ANKS1B: variants seen among roughly 807,000 people sequenced by gnomAD.
The protein encoded by ANKS1B is ankyrin repeat and sterile alpha motif domain containing 1B, also known as ankyrin repeat and sterile alpha motif domain-containing protein 1B.
ANKS1B carries 36 observed loss-of-function variants against 148.3 expected under a neutral mutation model. The ratio of observed to expected loss-of-function variants is 0.24; its 90% CI spans 0.19 to 0.32. The LOEUF (loss-of-function observed/expected upper bound fraction) is 0.32. Among genes scored for constraint, ANKS1B ranks in the 10% least tolerant of loss-of-function variants. The pLI is 1.00. For missense variants in ANKS1B, 1,157 were observed against 1,542.6 expected (o/e 0.75, Z 4.19); for synonymous variants, 542 against 560.8 (o/e 0.97, Z 0.47).
intron 1 of ANKS1B, among the ~76,000 whole-genome samples, chr12:99,847,632 A>C (rs1053611520): frequency 6.6e-6 from 1 of 152,208 alleles, no homozygotes; most frequent in Non-Finnish European, 1.5e-5. Context: ...GTGGCCGTCC[A>C]TTCTCATCAA....
intron 25 of ANKS1B, among the ~76,000 whole-genome samples, chr12:98,753,065 T>C (rs1729224340): frequency 6.6e-6 from 1 of 152,186 alleles, no homozygotes; most frequent in African/African-American, 2.4e-5. Context: ...GGGTCCACTC[T>C]ATATTTTATC....
chr12:99,933,558 A>T (rs1198049255), intron 1 of ANKS1B, among the ~76,000 whole-genome samples: 1 of 152,082 alleles, frequency 6.6e-6, no homozygotes, highest in Non-Finnish European at 1.5e-5. Context: ...ACCCTGGCAT[A>T]TAGAACACTA....
chr12:98,849,828 C>T (rs192441913), intron 17 of ANKS1B, among the ~76,000 whole-genome samples: 99 of 152,270 alleles, frequency 6.5e-4, no homozygotes, highest in African/African-American at 2.3e-3. Flanking sequence ...CACTTCAATA[C>T]AAAAGGGCTT....
chr12:99,924,406 A>T (rs138346751), intron 1 of ANKS1B, among the ~76,000 whole-genome samples: 134 of 152,286 alleles, frequency 8.8e-4, no homozygotes, highest in African/African-American at 2.9e-3. Context: ...AACTTACACT[A>T]ATATTTGAGG....
At chr12:98,890,293 C>T (rs118067187) in intron 17 of ANKS1B, among the ~76,000 whole-genome samples, 1 of 152,124 alleles carries the variant, frequency 6.6e-6, no homozygotes, top group Non-Finnish European at 1.5e-5. Context: ...TCAGGAGTAC[C>T]AACCAACCCC....
At chr12:98,915,406 C>A (rs2152867931) in intron 17 of ANKS1B, among the ~76,000 whole-genome samples, 1 of 152,234 alleles carries the variant, frequency 6.6e-6, no homozygotes, top group Non-Finnish European at 1.5e-5. Context: ...GGCAGGAGTA[C>A]AGTGGTGTGA....
chr12:99,126,552 G>T (rs549661327), intron 15 of ANKS1B, among the ~76,000 whole-genome samples: 1 of 152,044 alleles, frequency 6.6e-6, no homozygotes, highest in Non-Finnish European at 1.5e-5. Context: ...TATGCATGGC[G>T]AAGATATGTC....
At chr12:99,589,250 T>C (rs1177268829) in intron 9 of ANKS1B, among the ~76,000 whole-genome samples, 2 of 152,212 alleles carry the variant, frequency 1.3e-5, no homozygotes, top group East Asian at 3.8e-4. Context: ...GCTCAAGTGC[T>C]TAAGGTCACC....
intron 17 of ANKS1B, among the ~76,000 whole-genome samples, chr12:99,026,664 T>C (rs907478581): frequency 4.0e-4 from 61 of 152,188 alleles, no homozygotes; most frequent in Non-Finnish European, 7.3e-5. Flanking sequence ...TTAGTTGACA[T>C]TTTCAGGCTA....
At chr12:99,615,014 T>C (rs1044012627) in intron 9 of ANKS1B, among the ~76,000 whole-genome samples, 1 of 150,986 alleles carries the variant, frequency 6.6e-6, no homozygotes, top group East Asian at 1.9e-4. Flanking sequence ...AATTACTTCT[T>C]ACGCAATGAT....
At chr12:99,157,819 A>C (rs527921288) in intron 14 of ANKS1B, among the ~76,000 whole-genome samples, 1 of 152,182 alleles carries the variant, frequency 6.6e-6, no homozygotes, top group Non-Finnish European at 1.5e-5. Flanking sequence ...AATAAATAAA[A>C]TTATATATTA....
chr12:98,927,989 C>A, intron 17 of ANKS1B, among the ~76,000 whole-genome samples: 2 of 149,674 alleles, frequency 1.3e-5, no homozygotes, highest in South Asian at 2.1e-4. Context: ...TCAACAAAAC[C>A]AAAAGTGTAT....
intron 17 of ANKS1B, among the ~76,000 whole-genome samples, chr12:98,865,406 T>C (rs535421453): frequency 1.3e-5 from 2 of 152,132 alleles, no homozygotes; most frequent in South Asian, 2.1e-4. Context: ...CCATCACCCA[T>C]CCAGTTATTT....
intron 12 of ANKS1B, among the ~76,000 whole-genome samples, chr12:99,352,622 T>A (rs2091553327): frequency 6.6e-6 from 1 of 152,006 alleles, no homozygotes; most frequent in East Asian, 1.9e-4. Context: ...ACAAAAAGAT[T>A]TATTATAAAG....
chr12:99,788,341 C>T (rs2065223080), intron 4 of ANKS1B, among the ~76,000 whole-genome samples: 1 of 152,114 alleles, frequency 6.6e-6, no homozygotes, highest in Admixed American at 6.5e-5. Flanking sequence ...AGCCCTAAAT[C>T]CTGGACATTT....
At chr12:99,476,667 C>A (rs1412460200) in intron 10 of ANKS1B, among the ~76,000 whole-genome samples, 1 of 152,130 alleles carries the variant, frequency 6.6e-6, no homozygotes, top group Non-Finnish European at 1.5e-5. Flanking sequence ...CTATTTTGCA[C>A]TATCTTCACT....
At chr12:99,586,620 A>G (rs886692455) in intron 9 of ANKS1B, among the ~76,000 whole-genome samples, 2 of 151,994 alleles carry the variant, frequency 1.3e-5, no homozygotes, top group African/African-American at 4.8e-5. Flanking sequence ...ACTGGTACCA[A>G]TTTACTGTAT....
At chr12:98,867,376 ATT>A (rs2099629988) in intron 17 of ANKS1B, among the ~76,000 whole-genome samples, 1 of 152,214 alleles carries the variant, frequency 6.6e-6, no homozygotes, top group South Asian at 2.1e-4. Flanking sequence ...AATGTAATCT[ATT>A]TCCTACACGT....
At chr12:99,135,815 T>A (rs982168973) in intron 15 of ANKS1B, among the ~76,000 whole-genome samples, 1 of 152,184 alleles carries the variant, frequency 6.6e-6, no homozygotes. Flanking sequence ...AAACAGTGGA[T>A]TCAATGGAGG....
Sources: allele counts gnomAD v4.1 joint callset (sites outside exome capture counted in the v4.1 genomes callset), GRCh38; gene constraint gnomAD v4.1.1; transcripts MANE v1.5; gene names NCBI Gene and HGNC (gene_info 2026-07-23, HGNC 2026-07-21).